The following FXYD6 variants were observed in gnomAD, a reference collection of about 807,000 sequenced individuals.
FXYD6 encodes FXYD domain containing ion transport regulator 6.
Under a neutral mutation model 16.7 loss-of-function variants are expected in FXYD6, and 7 were observed. The ratio of observed to expected loss-of-function variants is 0.42; its 90% CI spans 0.24 to 0.79. FXYD6 has a LOEUF of 0.79. Among genes scored for constraint, FXYD6 ranks in the 30% least tolerant of loss-of-function variants. The probability of loss-of-function intolerance (pLI) is 0.28; values close to 1 mark genes in which losing one functional copy is unlikely to be tolerated. For synonymous variants in FXYD6, 49 were observed against 43.0 expected (o/e 1.14, Z -0.54); for missense variants, 111 against 116.2 (o/e 0.95, Z 0.21).
chr11:117,873,604 TG>T (rs1341430026), intron 1 of FXYD6, among the ~76,000 whole-genome samples: 1 of 152,240 alleles, frequency 6.6e-6, no homozygotes, highest in East Asian at 1.9e-4. Context: ...TTGACTGGTT[TG>T]CTTCCCTTAG....
At chr11:117,858,871 G>A (rs1359486209) in intron 1 of FXYD6, among the ~76,000 whole-genome samples, 2 of 151,530 alleles carry the variant, frequency 1.3e-5, no homozygotes, top group East Asian at 2.0e-4. Flanking sequence ...CTCCTCCCAG[G>A]CTCAAGCGAT....
intron 1 of FXYD6, among the ~76,000 whole-genome samples, chr11:117,866,857 T>C (rs900640882): frequency 3.3e-5 from 5 of 152,202 alleles, no homozygotes; most frequent in African/African-American, 1.2e-4. Context: ...CCTTTCACCG[T>C]GGGCTGCAGA....
intron 1 of FXYD6, among the ~76,000 whole-genome samples, chr11:117,861,085 G>C (rs2056894309): frequency 6.6e-6 from 1 of 152,164 alleles, no homozygotes; most frequent in South Asian, 2.1e-4. Flanking sequence ...CTTGGCTTCT[G>C]CAACTGCAAG....
intron 5 of FXYD6, among the ~76,000 whole-genome samples, chr11:117,840,825 G>A (rs2056322516): frequency 1.3e-5 from 2 of 152,044 alleles, no homozygotes; most frequent in African/African-American, 4.8e-5. Flanking sequence ...CATCTAGAGA[G>A]GCCAGGAAGC....
At chr11:117,871,471 G>A (rs926323613) in intron 1 of FXYD6, among the ~76,000 whole-genome samples, 7 of 152,216 alleles carry the variant, frequency 4.6e-5, no homozygotes, top group Admixed American at 2.0e-4. Context: ...GGTGGGAGGC[G>A]GGGCGTGTCC....
intron 1 of FXYD6, among the ~76,000 whole-genome samples, chr11:117,875,761 G>T (rs1040314293): frequency 1.3e-5 from 2 of 152,174 alleles, no homozygotes; most frequent in Non-Finnish European, 2.9e-5. Context: ...TGCAGCAGGT[G>T]ACGCGGCAGA....
chr11:117,875,741 C>T (rs940625011), intron 1 of FXYD6, among the ~76,000 whole-genome samples: 9 of 152,182 alleles, frequency 5.9e-5, no homozygotes, highest in African/African-American at 1.7e-4. Context: ...GTCCCGCGAG[C>T]GTGCAGGCTT....
chr11:117,856,047 G>T (rs2056719019), intron 1 of FXYD6, among the ~76,000 whole-genome samples: 1 of 152,228 alleles, frequency 6.6e-6, no homozygotes, highest in African/African-American at 2.4e-5. Context: ...AGCAGCTGAG[G>T]TTCTGGGTGG....
chr11:117,841,078 C>T, intron 5 of FXYD6, 70 bp downstream of exon 5: 7 of 1,591,478 alleles, frequency 4.4e-6, no homozygotes, highest in Non-Finnish European at 6.0e-6. Flanking sequence ...ATTTGGGGGT[C>T]ACACACCAGG....
chr11:117,845,585 G>A (rs546458955), intron 1 of FXYD6, among the ~76,000 whole-genome samples: 1 of 152,132 alleles, frequency 6.6e-6, no homozygotes, highest in African/African-American at 2.4e-5. Context: ...ATTCCATTGT[G>A]CAGGTAAATG....
rs2057169861 is a variant in FXYD6 at position 117,872,875 on chromosome 11, C to T, written c.-6+3717G>A. ...CGGCCGGAGATGTCCTGCCTCTCAT[C>T]AGGGACGGTGTCAGAGCACTGTGTT... On this transcript the variant is annotated intron_variant, in intron 1 of 7. Transcript: ENST00000526014. This position sits in a 1 kb window ranked among gnomAD's most constrained non-coding sequence, Gnocchi z 4.9. 6.6e-6 allele frequency among the ~76,000 whole-genome samples: 1 copy of T among 152,212 alleles called. No homozygotes were observed. The highest frequency in any genetic ancestry group is 1.5e-5 in the Non-Finnish European group (1 of 68,044).
chr11:117,851,507 C>T (rs539545902), intron 1 of FXYD6, among the ~76,000 whole-genome samples: 1 of 152,360 alleles, frequency 6.6e-6, no homozygotes, highest in Admixed American at 6.5e-5. Context: ...AAGATTCTCC[C>T]TGATTCCATA....
At chr11:117,868,274 T>C (rs1201696390) in intron 1 of FXYD6, among the ~76,000 whole-genome samples, 4 of 152,084 alleles carry the variant, frequency 2.6e-5, no homozygotes, top group African/African-American at 9.7e-5. Flanking sequence ...GCCTTGAAAC[T>C]GTGCTGCGTG....
intron 2 of FXYD6, 41 bp downstream of exon 2, chr11:117,842,678 G>T (rs1379971224): frequency 6.5e-6 from 10 of 1,548,708 alleles, no homozygotes; most frequent in Admixed American, 3.9e-5. Flanking sequence ...GCTGGACAGG[G>T]TTGTCATCTT....
rs2057120290 is a variant in FXYD6, at chr11:117,870,883, A to C, written c.-6+5709T>G. 6.6e-6 allele frequency among the ~76,000 whole-genome samples: 1 copy of C among 152,264 alleles called. No individual in the cohort carries two copies. The highest frequency in any genetic ancestry group is 3.4e-3 in the Middle Eastern group (1 of 294). On this transcript the variant is annotated intron_variant, in intron 1 of 7. Transcript: ENST00000526014. This position sits in a 1 kb window ranked among gnomAD's most constrained non-coding sequence, Gnocchi z 4.2. Reference sequence around the variant, plus strand: ...CTGGGAGCACAGGCACACTCTGGCCATCTCTGGATCCCTGGCACTGAGCAC... The same window carrying C: ...CTGGGAGCACAGGCACACTCTGGCCCTCTCTGGATCCCTGGCACTGAGCAC...
chr11:117,842,713 A>G lies in FXYD6; in HGVS notation c.58+6T>C, dbSNP rs773124441. On this transcript the variant is annotated splice_donor_region_variant and intron_variant, in intron 2 of 7. Transcript: ENST00000526014. ...TGTCACAGCCAGGTCCCAGAGGGGT[A>G]CTTACCACTGGCCAGGACCATGGGG... is the stretch of plus-strand genomic sequence containing the variant. 32 of 1,563,146 alleles carry G rather than the reference A, an allele frequency of 2.0e-5. No homozygotes were observed. Among genetic ancestry groups the G allele is most frequent in the Non-Finnish European group, 2.7e-5 (31 of 1,153,108 alleles).
At chr11:117,871,280 G>A (rs10790218) in intron 1 of FXYD6, among the ~76,000 whole-genome samples, 65,768 of 152,010 alleles carry the variant, frequency 0.43, 14,558 homozygotes, top group East Asian at 0.54. Context: ...GTGCACCGGC[G>A]TATGGGAGAC....
chr11:117,855,543 A>C (rs2056705483), intron 1 of FXYD6, among the ~76,000 whole-genome samples: 1 of 152,006 alleles, frequency 6.6e-6, no homozygotes, highest in Admixed American at 6.6e-5. Flanking sequence ...CCCAGTGACC[A>C]CACATTCCTT....
At chr11:117,849,477 T>C (rs2056553843) in intron 1 of FXYD6, among the ~76,000 whole-genome samples, 2 of 152,148 alleles carry the variant, frequency 1.3e-5, no homozygotes, top group Admixed American at 1.3e-4. Flanking sequence ...AATTCCTTCA[T>C]GGTTGGGAAG....
Sources: gnomAD v4.1 joint callset for allele counts (sites outside exome capture counted in the v4.1 genomes callset) on GRCh38, gnomAD v4.1.1 for gene constraint, Gnocchi (gnomAD v3.1) non-coding constraint, MANE v1.5 for transcripts, NCBI Gene and HGNC (gene_info 2026-07-23, HGNC 2026-07-21) for gene names.